Variants in TEX11 observed in about 807,000 individuals in gnomAD.
The protein encoded by TEX11 is testis-expressed protein 11.
A neutral mutation model predicts 84.4 loss-of-function variants in TEX11; 7 were observed. The ratio of observed to expected loss-of-function variants is 0.08; its 90% CI spans 0.05 to 0.16. The LOEUF (loss-of-function observed/expected upper bound fraction) is 0.16, where lower values mean the gene tolerates loss of function less well. TEX11 is among the 10% of genes least tolerant of loss of function. TEX11 has a pLI of 1.00. For missense variants in TEX11, 551 were observed against 660.5 expected (o/e 0.83, Z 1.82); for synonymous variants, 264 against 222.8 (o/e 1.18, Z -1.64).
intron 13 of TEX11, among the ~76,000 whole-genome samples, chrX:70,715,066 G>A (rs865793483): frequency 1.8e-5 from 2 of 111,392 alleles, no homozygotes; most frequent in South Asian, 7.7e-4. Flanking sequence ...TAGTTTGGCT[G>A]GACATGAAAT....
chrX:70,757,814 G>A (rs1442243634), intron 9 of TEX11, among the ~76,000 whole-genome samples: 3 of 111,603 alleles, frequency 2.7e-5, no homozygotes, highest in East Asian at 2.8e-4. Flanking sequence ...CCAATTAAAA[G>A]ACACAGACTG....
chrX:70,569,433 G>T (rs1446115213), intron 25 of TEX11, among the ~76,000 whole-genome samples: 3 of 112,099 alleles, frequency 2.7e-5, no homozygotes. Flanking sequence ...GTCCAGCTTT[G>T]TTCCGTTGCT....
At chrX:70,778,748 T>C (rs2091017831) in intron 9 of TEX11, among the ~76,000 whole-genome samples, 1 of 111,531 alleles carries the variant, frequency 9.0e-6, no homozygotes, top group African/African-American at 3.3e-5. Flanking sequence ...CTTGAGCTTT[T>C]AAAATTTTGA....
At chrX:70,816,723 A>G (rs975586122) in intron 8 of TEX11, among the ~76,000 whole-genome samples, 2 of 110,733 alleles carry the variant, frequency 1.8e-5, no homozygotes, top group Non-Finnish European at 3.8e-5. Flanking sequence ...CTCAAAAAAA[A>G]AAAAAAAGTA....
intron 11 of TEX11, among the ~76,000 whole-genome samples, chrX:70,731,779 G>C (rs2090653942): frequency 9.1e-6 from 1 of 110,132 alleles, no homozygotes; most frequent in Non-Finnish European, 1.9e-5. Flanking sequence ...TAGAAAAAGA[G>C]AGAATCCTCC....
At chrX:70,683,459 T>C (rs746528840) in intron 13 of TEX11, among the ~76,000 whole-genome samples, 84 of 111,304 alleles carry the variant, frequency 7.5e-4, no homozygotes, top group Non-Finnish European at 1.2e-3. Flanking sequence ...GGCAAAAGCC[T>C]GTCTCTACAA....
intron 17 of TEX11, among the ~76,000 whole-genome samples, chrX:70,630,456 A>G (rs765723274): frequency 9.0e-6 from 1 of 111,546 alleles, no homozygotes; most frequent in East Asian, 2.8e-4. Context: ...GTTATATTCC[A>G]TTATATTCTT....
intron 27 of TEX11, among the ~76,000 whole-genome samples, chrX:70,552,749 T>C (rs1443003358): frequency 8.9e-6 from 1 of 111,738 alleles, no homozygotes; most frequent in East Asian, 2.8e-4. Flanking sequence ...ATACAGCACT[T>C]ATCGGTGCTT....
intron 8 of TEX11, among the ~76,000 whole-genome samples, chrX:70,813,201 A>G (rs1335941722): frequency 8.9e-6 from 1 of 112,097 alleles, no homozygotes; most frequent in Non-Finnish European, 1.9e-5. Context: ...AATCCTCAAT[A>G]AAATACTGGC....
chrX:70,802,419 A>G (rs917885519), intron 9 of TEX11, among the ~76,000 whole-genome samples: 5 of 111,819 alleles, frequency 4.5e-5, no homozygotes, highest in African/African-American at 1.3e-4. Context: ...GATGGATATG[A>G]TAATCAACTT....
At chrX:70,726,617 G>A (rs1049858536) in intron 11 of TEX11, among the ~76,000 whole-genome samples, 1 of 109,308 alleles carries the variant, frequency 9.1e-6, no homozygotes, top group African/African-American at 3.3e-5. Context: ...TGCAACCTCC[G>A]TCTCCCAGGT....
intron 8 of TEX11, among the ~76,000 whole-genome samples, chrX:70,821,938 G>A (rs1192112994): frequency 9.0e-6 from 1 of 111,132 alleles, no homozygotes; most frequent in African/African-American, 3.3e-5. Context: ...AGTATCTGCT[G>A]GGGATTTGTT....
At chrX:70,830,091 A>T (rs2091369130) in intron 8 of TEX11, among the ~76,000 whole-genome samples, 1 of 111,113 alleles carries the variant, frequency 9.0e-6, no homozygotes, top group Admixed American at 9.7e-5. Flanking sequence ...AAAAAAAAAC[A>T]AGACCCAATG....
At chrX:70,840,377 C>G (rs1056447207) in intron 7 of TEX11, among the ~76,000 whole-genome samples, 1 of 111,490 alleles carries the variant, frequency 9.0e-6, no homozygotes, top group Non-Finnish European at 1.9e-5. Flanking sequence ...TCCAGCCAAA[C>G]TAACCTTCAT....
intron 9 of TEX11, among the ~76,000 whole-genome samples, chrX:70,775,906 C>T (rs1410080352): frequency 9.2e-6 from 1 of 108,978 alleles, no homozygotes; most frequent in Non-Finnish European, 1.9e-5. Flanking sequence ...TATCATCTTA[C>T]CCCACCCAGT....
intron 25 of TEX11, among the ~76,000 whole-genome samples, chrX:70,557,760 G>A (rs962725295): frequency 7.2e-5 from 8 of 111,380 alleles, no homozygotes; most frequent in Admixed American, 3.8e-4. Flanking sequence ...CTTGAAACTC[G>A]TATGGAAATT....
intron 8 of TEX11, among the ~76,000 whole-genome samples, chrX:70,823,168 G>T (rs2091327321): frequency 9.0e-6 from 1 of 111,568 alleles, no homozygotes; most frequent in Non-Finnish European, 1.9e-5. Flanking sequence ...AATACTACAT[G>T]ATCTCACTTA....
chrX:70,895,837 G>A (rs1043588409), intron 2 of TEX11, among the ~76,000 whole-genome samples: 9 of 111,170 alleles, frequency 8.1e-5, no homozygotes, highest in African/African-American at 2.6e-4. Context: ...AACAGAAACC[G>A]GATCCCTTCC....
intron 2 of TEX11, among the ~76,000 whole-genome samples, chrX:70,893,369 GTC>G (rs2091749613): frequency 8.9e-6 from 1 of 111,831 alleles, no homozygotes; most frequent in Non-Finnish European, 1.9e-5. Flanking sequence ...ATAACAAACA[GTC>G]TCTCAGAACA....
Sources: allele counts gnomAD v4.1 joint callset (sites outside exome capture counted in the v4.1 genomes callset), GRCh38; gene constraint gnomAD v4.1.1; transcripts MANE v1.5; gene names NCBI Gene and HGNC (gene_info 2026-07-23, HGNC 2026-07-21).